Variants in AAAS observed in about 807,000 individuals in gnomAD.
The protein encoded by AAAS is aladin WD repeat nucleoporin.
A neutral mutation model predicts 75.6 loss-of-function variants in AAAS; 60 were observed. The observed-to-expected ratio is 0.79, with a 90% CI of 0.64 to 0.98. The LOEUF is 0.98. AAAS is among the 50% of genes least tolerant of loss of function. The pLI is 0.00. For missense variants in AAAS, 658 were observed against 686.9 expected (o/e 0.96, Z 0.47); for synonymous variants, 271 against 265.0 (o/e 1.02, Z -0.22).
In AAAS at chr12:53,308,038, C is replaced by T. The variant is rs367987987; in HGVS notation, c.1331+14G>A. ...GGTGAGAAGTCCAGACCTAAGGGCCCACATGGCACTTACCAGGGAAGGAGC... is the reference window on the plus strand; with the variant it reads ...GGTGAGAAGTCCAGACCTAAGGGCCTACATGGCACTTACCAGGGAAGGAGC... On this transcript the variant is annotated intron_variant, in intron 14 of 15. Transcript: ENST00000209873. 3.1e-6 allele frequency: 5 copies of T among 1,613,900 alleles called. No homozygotes were observed. Among genetic ancestry groups the T allele is most frequent in the Non-Finnish European group, 4.2e-6 (5 of 1,179,894 alleles).
At chr12:53,316,762 GACAAAAAAAAAAA>G in intron 2 of AAAS, among the ~76,000 whole-genome samples, 1 of 16,384 alleles carries the variant, frequency 6.1e-5, no homozygotes, top group South Asian at 2.3e-3. Flanking sequence ...CTCCATCTCA[GACAAAAAAAAAAA>G]AAAAAAAAAA....
Position 53,310,377 on chromosome 12 carries a change from GTGAAACCCCGTCTC to G in AAAS, c.690-670_690-657del, listed in dbSNP as rs751556049. ...GATCGAGACCATTCTGGCCAACATG[GTGAAACCCCGTCTC>G]TACTAAAAGTACAAAAAAATTAGCT... On this transcript the variant is annotated intron_variant, in intron 7 of 15. Coordinates refer to ENST00000209873, the MANE Select transcript of AAAS (RefSeq NM_015665.6). 3.3e-5 allele frequency among the ~76,000 whole-genome samples: 5 copies of G among 152,294 alleles called. No homozygotes were observed. The East Asian group carries it at 7.7e-4, about 23-fold the overall frequency.
intron 2 of AAAS, among the ~76,000 whole-genome samples, chr12:53,318,247 T>TGC (rs1555191455): frequency 1.6e-3 from 203 of 123,366 alleles, no homozygotes; most frequent in African/African-American, 6.2e-3. Flanking sequence ...TGTGTGTGCG[T>TGC]GTGTGTGTGT....
At position 53,307,832 on chromosome 12, in the gene AAAS, C is replaced by G; in HGVS notation, c.1416+13G>C. The G allele has an allele frequency of 6.2e-7, 1 of 1,614,178 alleles. No homozygotes were observed. Among genetic ancestry groups the G allele is most frequent in the South Asian group, 1.1e-5 (1 of 91,084 alleles). The stretch of plus-strand genomic sequence containing the variant: ...TCCAACTCCTGGAAGCCCCAGCAGC[C>G]TGGCGCACTCACCACACTGAGCAGG... On this transcript the variant is annotated intron_variant, in intron 15 of 15. Transcript: ENST00000209873.
At chr12:53,309,879 GA>G in intron 7 of AAAS, 158 bp from the exon 8 acceptor site, 2 of 1,097,330 alleles carry the variant, frequency 1.8e-6, no homozygotes, top group Non-Finnish European at 2.6e-6. Context: ...AAAGTTAAAA[GA>G]AAAAAACAGC....
At chr12:53,307,768 G>A in intron 15 of AAAS, 55 bp from the exon 16 acceptor site, 1 of 1,612,776 alleles carries the variant, frequency 6.2e-7, no homozygotes. Context: ...AGGGCCACCT[G>A]GCAGAGCCAT....
intron 8 of AAAS, 59 bp from the exon 9 acceptor site, chr12:53,309,340 G>A: frequency 6.2e-6 from 10 of 1,608,728 alleles, no homozygotes; most frequent in Non-Finnish European, 8.5e-6. Flanking sequence ...CTCACAGTGG[G>A]CTGGCCTCTC....
Position 53,308,339 on chromosome 12 carries a change from CT to C in AAAS, c.1191del (p.Glu398ArgfsTer18). On this transcript the variant is annotated frameshift_variant, in exon 13 of 16. Transcript: ENST00000209873. LOFTEE classifies it high-confidence loss of function. ...GGGTCCCAGACCATGGAGTGAGCCTCTCCCCCAAGCCTGTGGGTAAGGACAG... is the reference window on the plus strand; with the variant it reads ...GGGTCCCAGACCATGGAGTGAGCCTCCCCCCAAGCCTGTGGGTAAGGACAG... Reference protein sequence around the residue: ...QTPDGEERLGGEAHSMVWDPS... With the variant: ...QTPDGEERLGXEAHSMVWDPS... 6.2e-7 allele frequency: 1 copy of C among 1,614,198 alleles called. No individual in the cohort carries two copies. The highest frequency in any genetic ancestry group is 8.5e-7 in the Non-Finnish European group (1 of 1,180,042).
In AAAS at chr12:53,308,122, C is replaced by G. The variant is rs1944322030; in HGVS notation, c.1261G>C (p.Val421Leu). The change falls in exon 14 of 16, where the codon GTA (valine) becomes CTA (leucine). Residue 421 changes from valine (V) to leucine (L), a missense_variant. Val to Leu is a conservative substitution (Grantham distance 32). Coordinates refer to ENST00000209873, the MANE Select transcript of AAAS (RefSeq NM_015665.6). Reference sequence around the variant, plus strand: ...AGGATGACTGGTTTACCATCCTGTACCCTTGGCTTTCCTGTAAGAAATGGA... The same window carrying G: ...AGGATGACTGGTTTACCATCCTGTAGCCTTGGCTTTCCTGTAAGAAATGGA... ...LAVLMKGKPR[V>L]QDGKPVILLF... 1.2e-6 allele frequency: 2 copies of G among 1,614,192 alleles called. No individual in the cohort carries two copies. Among genetic ancestry groups the G allele is most frequent in the Non-Finnish European group, 1.7e-6 (2 of 1,180,038 alleles).
rs1487585132 is a variant in AAAS, at chr12:53,315,721, A to T, written c.307+6T>A. On this transcript the variant is annotated splice_donor_region_variant and intron_variant, in intron 3 of 15. Transcript: ENST00000209873. ...ACTAGGGAAGGCTGGAGGGAAAAAT[A>T]CTTACCCTCTTCTTCTGAGTTTGCA... 1 of 1,613,510 alleles carries T rather than the reference A, an allele frequency of 6.2e-7. No homozygotes were observed. Among genetic ancestry groups the T allele is most frequent in the Non-Finnish European group, 8.5e-7 (1 of 1,179,738 alleles).
intron 1 of AAAS, 185 bp downstream of exon 1, chr12:53,321,153 ACCGTT>A: frequency 1.2e-6 from 1 of 848,476 alleles, no homozygotes; most frequent in Admixed American, 2.9e-5. Context: ...CAGCTCCTTA[ACCGTT>A]CCCCCGTTAT....
Position 53,320,775 on chromosome 12 carries a change from G to C in AAAS, c.124-83C>G, listed in dbSNP as rs899600092. The C allele has an allele frequency of 2.7e-6, 4 of 1,507,754 alleles. No individual in the cohort carries two copies. The Admixed American group carries it at 5.2e-5, about 20-fold the overall frequency. The allele number at this position is 1,507,754 out of a possible 1,614,324, so 93.4% of individuals were successfully genotyped here. ...TCCGTGCCATCTCCAACCCACCGCT[G>C]GGCTAAGTATAAGAGATTCCAGAGG... is the stretch of plus-strand genomic sequence containing the variant. On this transcript the variant is annotated intron_variant, in intron 1 of 15. Coordinates refer to ENST00000209873, the MANE Select transcript of AAAS (RefSeq NM_015665.6).
At chr12:53,321,264 G>T (rs1313843654) in intron 1 of AAAS, 79 bp downstream of exon 1, 17 of 1,575,880 alleles carry the variant, frequency 1.1e-5, no homozygotes, top group Non-Finnish European at 1.5e-5. Context: ...CCCTGCCCCT[G>T]TCACACTGCC....
At chr12:53,319,972 T>C (rs1370758791) in intron 2 of AAAS, among the ~76,000 whole-genome samples, 7 of 151,480 alleles carry the variant, frequency 4.6e-5, no homozygotes, top group African/African-American at 1.7e-4. Flanking sequence ...AATACAAAAT[T>C]AGCTGGGCGT....
chr12:53,309,828 T>G, intron 7 of AAAS, 107 bp from the exon 8 acceptor site: 1 of 1,500,548 alleles, frequency 6.7e-7, no homozygotes. Context: ...TGGCCCACTC[T>G]GGGCTCAAAT....
rs1398755985 is a variant in AAAS, at chr12:53,310,445, A to T, written c.690-724T>A. Reference sequence around the variant, plus strand: ...CGTGGTGGTGTTCGCCTGTAGTCCCAGCTACTTGGGAGGCTGAGGCAGGAG... The same window carrying T: ...CGTGGTGGTGTTCGCCTGTAGTCCCTGCTACTTGGGAGGCTGAGGCAGGAG... On this transcript the variant is annotated intron_variant, in intron 7 of 15. Coordinates refer to ENST00000209873, the MANE Select transcript of AAAS (RefSeq NM_015665.6). 5.3e-5 allele frequency among the ~76,000 whole-genome samples: 8 copies of T among 152,152 alleles called. No homozygotes were observed. In the East Asian group the frequency reaches 1.5e-3, roughly 29 times the overall value.
At position 53,321,259 on chromosome 12, in the gene AAAS, C is replaced by G. The variant is rs547698973; in HGVS notation, c.123+84G>C. 2.6e-6 allele frequency: 4 copies of G among 1,566,340 alleles called. No homozygotes were observed. In the African/African-American group the frequency reaches 5.4e-5, roughly 21 times the overall value. On this transcript the variant is annotated intron_variant, in intron 1 of 15. Transcript: ENST00000209873. ...CACTCCGCCAGACTCTGTGACCCTG[C>G]CCCTGTCACACTGCCTCCTTTCCCC...
intron 2 of AAAS, among the ~76,000 whole-genome samples, chr12:53,316,452 C>T (rs1944462294): frequency 1.4e-5 from 2 of 144,046 alleles, no homozygotes; most frequent in African/African-American, 5.2e-5. Flanking sequence ...GAGACTCTGC[C>T]TCAAAAAAGA....
intron 6 of AAAS, 119 bp downstream of exon 6, chr12:53,314,632 C>G (rs941172886): frequency 7.5e-7 from 1 of 1,335,734 alleles, no homozygotes; most frequent in Non-Finnish European, 1.1e-6. Flanking sequence ...TTCCCTGACC[C>G]CAGTTCTGGA....
Sources: allele counts gnomAD v4.1 joint callset (sites outside exome capture counted in the v4.1 genomes callset), GRCh38; gene constraint gnomAD v4.1.1; transcripts MANE v1.5; gene names NCBI Gene and HGNC (gene_info 2026-07-23, HGNC 2026-07-21).